ADAM28: variants seen among roughly 807,000 people sequenced by gnomAD.
ADAM28 encodes the protein disintegrin and metalloproteinase domain-containing protein 28.
Under a neutral mutation model 101.2 loss-of-function variants are expected in ADAM28, and 105 were observed. The ratio of observed to expected loss-of-function variants is 1.04; its 90% CI spans 0.89 to 1.22. ADAM28 has a LOEUF of 1.22. ADAM28 is among the 50% of genes most tolerant of loss of function. The pLI is 0.00. For missense variants in ADAM28, 1,028 were observed against 945.4 expected (o/e 1.09, Z -1.15); for synonymous variants, 322 against 310.6 (o/e 1.04, Z -0.39).
rs1373956885 is a variant in ADAM28 at position 24,354,441 on chromosome 8, A to G, written c.*37A>G. On this transcript the variant is annotated 3_prime_UTR_variant, in exon 23 of 23. Transcript: ENST00000265769. ...AGCAAGAACTAATGGCTAAATTATCAACTTGGAAAACTGGAAAATCTGGAT... is the reference window on the plus strand; with the variant it reads ...AGCAAGAACTAATGGCTAAATTATCGACTTGGAAAACTGGAAAATCTGGAT... 3 of 1,594,044 alleles carry G rather than the reference A, an allele frequency of 1.9e-6. No homozygotes were observed. The African/African-American group carries it at 4.1e-5, about 22-fold the overall frequency.
intron 21 of ADAM28, among the ~76,000 whole-genome samples, chr8:24,353,162 C>T (rs1049126735): frequency 2.6e-5 from 4 of 152,086 alleles, no homozygotes; most frequent in Non-Finnish European, 5.9e-5. Flanking sequence ...AATAGCTCTG[C>T]TCTGTGAGGT....
chr8:24,351,379 A>C (rs1379428400), intron 20 of ADAM28, 69 bp downstream of exon 20: 1 of 1,420,204 alleles, frequency 7.0e-7, no homozygotes. Flanking sequence ...TCTTATCCTG[A>C]CTACCTATCT....
rs1268028601 is a variant in ADAM28 at position 24,297,167 on chromosome 8, T to TTTC, written c.47-2806_47-2805insTCT. Among the ~76,000 whole-genome samples, 7 of 128,278 alleles carry TTTC rather than the reference T, an allele frequency of 5.5e-5. No homozygotes were observed. In the South Asian group the frequency reaches 1.2e-3, roughly 23 times the overall value. The allele number at this position is 128,278 out of a possible 152,430, so 84.2% of individuals were successfully genotyped here. On this transcript the variant is annotated intron_variant, in intron 1 of 22. Transcript: ENST00000265769. Reference sequence around the variant, plus strand: ...TAAAAGAAATGTTGTGGGTTTTTTTTTGTTGTTGTTGTTGTTTGTTTTATT... The same window carrying TTTC: ...TAAAAGAAATGTTGTGGGTTTTTTTTTTCTGTTGTTGTTGTTGTTTGTTTTATT...
At chr8:24,299,038 A>G (rs1294247450) in intron 1 of ADAM28, among the ~76,000 whole-genome samples, 1 of 151,932 alleles carries the variant, frequency 6.6e-6, no homozygotes, top group Non-Finnish European at 1.5e-5. Context: ...ATAGAAAAAA[A>G]AAAAAAAAGC....
intron 9 of ADAM28, among the ~76,000 whole-genome samples, 190 bp from the exon 10 acceptor site, chr8:24,326,364 T>C (rs1038400415): frequency 6.6e-6 from 1 of 152,028 alleles, no homozygotes; most frequent in Non-Finnish European, 1.5e-5. Flanking sequence ...TCTAGGTGTT[T>C]GGATTTTAAG....
chr8:24,332,559 C>T (rs559738851), intron 12 of ADAM28, 101 bp from the exon 13 acceptor site: 38 of 567,252 alleles, frequency 6.7e-5, no homozygotes, highest in South Asian at 5.0e-4. Flanking sequence ...TTAGACTCCA[C>T]GAAAGTAACA....
chr8:24,318,346 T>A (rs1367328252), intron 6 of ADAM28, among the ~76,000 whole-genome samples: 1 of 151,994 alleles, frequency 6.6e-6, no homozygotes, highest in Admixed American at 6.6e-5. Context: ...TTCATTTCTG[T>A]CACCCTTACT....
intron 2 of ADAM28, among the ~76,000 whole-genome samples, chr8:24,303,282 A>G (rs1315005005): frequency 6.6e-6 from 1 of 152,118 alleles, no homozygotes; most frequent in Non-Finnish European, 1.5e-5. Flanking sequence ...TTGGGTTTAC[A>G]TTTGAGTTTT....
At chr8:24,335,752 G>T in intron 14 of ADAM28, 111 bp downstream of exon 14, 1 of 1,275,176 alleles carries the variant, frequency 7.8e-7, no homozygotes. Flanking sequence ...TAGAAGCTTT[G>T]AACTCAAAAT....
At chr8:24,311,250 A>C (rs904026155) in intron 4 of ADAM28, 111 bp from the exon 5 acceptor site, 4 of 708,662 alleles carry the variant, frequency 5.6e-6, no homozygotes, top group African/African-American at 5.4e-5. Context: ...GTTGTACAGC[A>C]GAATATTGTT....
At chr8:24,351,118 C>T in intron 19 of ADAM28, 114 bp from the exon 20 acceptor site, 2 of 803,270 alleles carry the variant, frequency 2.5e-6, no homozygotes, top group Non-Finnish European at 3.7e-6. Flanking sequence ...AAAACCCAGG[C>T]AATAGGCAAG....
At chr8:24,352,220 A>C (rs1816243552) in intron 21 of ADAM28, among the ~76,000 whole-genome samples, 168 bp downstream of exon 21, 1 of 152,240 alleles carries the variant, frequency 6.6e-6, no homozygotes, top group Non-Finnish European at 1.5e-5. Context: ...AAATATAAAA[A>C]AATGAACATG....
At position 24,294,081 on chromosome 8, in the gene ADAM28, G is replaced by A. The variant is rs905074636; in HGVS notation, c.-69G>A. ...TTCATTCTGTCTCACTGGAGAGGAG[G>A]CAGGGACAGACCCAGCAGCACCCAC... On this transcript the variant is annotated 5_prime_UTR_variant, in exon 1 of 23. Transcript: ENST00000265769. The A allele has an allele frequency of 5.2e-6, 8 of 1,526,404 alleles. No homozygotes were observed. The highest frequency in any genetic ancestry group is 7.3e-6 in the Non-Finnish European group (8 of 1,100,598). 94.6% of individuals were successfully genotyped at this position (1,526,404 alleles called of 1,614,324 possible). A position where few individuals can be genotyped will look rare whatever the true frequency, so the allele number is the denominator to read the frequency against.
chr8:24,330,527 A>T (rs1015580432), intron 11 of ADAM28, among the ~76,000 whole-genome samples: 1 of 152,130 alleles, frequency 6.6e-6, no homozygotes. Flanking sequence ...ATTAGGCAAA[A>T]TTTTTAGGCA....
At chr8:24,347,474 G>C (rs188054166) in intron 18 of ADAM28, among the ~76,000 whole-genome samples, 6 of 152,130 alleles carry the variant, frequency 3.9e-5, no homozygotes, top group African/African-American at 1.4e-4. Context: ...ATATTCATGG[G>C]TGATATTGGA....
chr8:24,340,581 G>A (rs1814641585), intron 15 of ADAM28, among the ~76,000 whole-genome samples: 2 of 152,096 alleles, frequency 1.3e-5, no homozygotes, highest in African/African-American at 4.8e-5. Flanking sequence ...ATTAGTTTCT[G>A]TGCTCTAGTG....
intron 1 of ADAM28, among the ~76,000 whole-genome samples, chr8:24,297,765 C>T (rs915797554): frequency 6.6e-6 from 1 of 152,120 alleles, no homozygotes; most frequent in East Asian, 1.9e-4. Context: ...ATTTTCTTAC[C>T]TCTTGGCATC....
Position 24,311,430 on chromosome 8 carries a change from G to A in ADAM28, c.376G>A (p.Gly126Ser), listed in dbSNP as rs373424747. The change falls in exon 5 of 23, where the codon GGT becomes AGT. Residue 126 changes from glycine (G) to serine (S), a missense_variant. Transcript: ENST00000265769. ...VSDASISTCR[G>S]LRGYFSQGDQ... ...TGACGCTAGCATCAGCACATGTAGG[G>A]GTCTAAGGTAAGACTTCAGGAATGT... 1 of 1,611,854 alleles carries A rather than the reference G, an allele frequency of 6.2e-7. No individual in the cohort carries two copies. Among genetic ancestry groups the A allele is most frequent in the African/African-American group, 1.3e-5 (1 of 74,860 alleles).
intron 17 of ADAM28, 56 bp from the exon 18 acceptor site, chr8:24,343,450 G>T: frequency 1.3e-6 from 2 of 1,536,380 alleles, no homozygotes; most frequent in Non-Finnish European, 1.8e-6. Context: ...GATGAGTAGG[G>T]CCTTGAGTTT....
Sources: allele counts gnomAD v4.1 joint callset (sites outside exome capture counted in the v4.1 genomes callset), GRCh38; gene constraint gnomAD v4.1.1; transcripts MANE v1.5; gene names NCBI Gene and HGNC (gene_info 2026-07-23, HGNC 2026-07-21).